CIT: variants seen among roughly 807,000 people sequenced by gnomAD.
The protein encoded by CIT is citron rho-interacting serine/threonine kinase, also known as citron Rho-interacting kinase.
CIT carries 79 observed loss-of-function variants against 272.7 expected under a neutral mutation model. The ratio of observed to expected loss-of-function variants is 0.29; its 90% CI spans 0.24 to 0.35. The LOEUF (loss-of-function observed/expected upper bound fraction) is 0.35, where lower values mean the gene tolerates loss of function less well. Among genes scored for constraint, CIT ranks in the 10% least tolerant of loss-of-function variants. The probability of loss-of-function intolerance (pLI) is 1.00; values close to 1 mark genes in which losing one functional copy is unlikely to be tolerated. For synonymous variants in CIT, 948 were observed against 995.6 expected (o/e 0.95, Z 0.90); for missense variants, 1,909 against 2,618.3 (o/e 0.73, Z 5.91).
chr12:119,703,566 C>G (rs1047880485), intron 41 of CIT, among the ~76,000 whole-genome samples: 1 of 151,806 alleles, frequency 6.6e-6, no homozygotes, highest in Non-Finnish European at 1.5e-5. Context: ...GCTGAGATAA[C>G]AAGCACCCGC....
intron 44 of CIT, among the ~76,000 whole-genome samples, chr12:119,699,374 C>A (rs933295667): frequency 6.6e-6 from 1 of 151,434 alleles, no homozygotes; most frequent in Non-Finnish European, 1.5e-5. Context: ...GTCACTGAAA[C>A]TAGAGCACAC....
intron 3 of CIT, among the ~76,000 whole-genome samples, chr12:119,865,920 T>G (rs146075937): frequency 6.7e-6 from 1 of 149,186 alleles, no homozygotes; most frequent in African/African-American, 2.5e-5. Flanking sequence ...ATGAGAAAAC[T>G]GAGAACAAAG....
Position 119,834,213 on chromosome 12 carries a change from G to C in CIT, c.532C>G (p.Pro178Ala), listed in dbSNP as rs770123216. Residue 178 changes from proline (P) to alanine (A), a missense_variant, in exon 6 of 48, where the codon CCT becomes GCT. By Grantham distance (27) the Pro-to-Ala change is conservative. This residue lies in a region of CIT where 529 missense variants were observed against 549.6 expected (regional missense o/e 0.96). Transcript: ENST00000392521. ...NHLYLVMEYQPGGDLLSLLNR... is the reference protein window; with the variant it reads ...NHLYLVMEYQAGGDLLSLLNR... ...AAAAGTGACAGCAAGTCCCCTCCAGGCTGATATTCCATGACCTGTATAGAA... is the reference window on the plus strand; with the variant it reads ...AAAAGTGACAGCAAGTCCCCTCCAGCCTGATATTCCATGACCTGTATAGAA... The C allele has an allele frequency of 6.2e-7, 1 of 1,611,108 alleles. No homozygotes were observed. Among genetic ancestry groups the C allele is most frequent in the Non-Finnish European group, 8.5e-7 (1 of 1,179,082 alleles).
At chr12:119,838,652 C>G (rs1266134784) in intron 5 of CIT, among the ~76,000 whole-genome samples, 1 of 152,144 alleles carries the variant, frequency 6.6e-6, no homozygotes, top group Non-Finnish European at 1.5e-5. Flanking sequence ...CAGCAATGCC[C>G]TTGATGAAAC....
chr12:119,759,731 C>T (rs1469538553), intron 20 of CIT, among the ~76,000 whole-genome samples: 1 of 152,126 alleles, frequency 6.6e-6, no homozygotes, highest in African/African-American at 2.4e-5. Flanking sequence ...AACCATCCCC[C>T]CACCCCTGTG....
chr12:119,817,989 G>A (rs1302345656), intron 9 of CIT, among the ~76,000 whole-genome samples: 1 of 151,824 alleles, frequency 6.6e-6, no homozygotes, highest in Admixed American at 6.6e-5. Context: ...TCTCTAGTGT[G>A]ACATGGTTTA....
intron 10 of CIT, among the ~76,000 whole-genome samples, chr12:119,791,042 G>A (rs1389494667): frequency 1.3e-5 from 2 of 152,132 alleles, no homozygotes; most frequent in Non-Finnish European, 2.9e-5. Flanking sequence ...ATTATTCATG[G>A]CATTAAGGAG....
intron 5 of CIT, among the ~76,000 whole-genome samples, chr12:119,846,066 G>C (rs1969784809): frequency 6.6e-6 from 1 of 152,020 alleles, no homozygotes; most frequent in Non-Finnish European, 1.5e-5. Context: ...AATTATCAAA[G>C]TGCCCAGATA....
intron 9 of CIT, among the ~76,000 whole-genome samples, chr12:119,808,665 A>G (rs779630612): frequency 1.6e-4 from 25 of 152,238 alleles, no homozygotes; most frequent in Non-Finnish European, 3.2e-4. Flanking sequence ...GTGATGATAT[A>G]ATGAATCAGG....
Position 119,710,427 on chromosome 12 carries a change from C to A in CIT, c.4936-41G>T. The A allele has an allele frequency of 1.2e-6, 2 of 1,613,486 alleles. No individual in the cohort carries two copies. The highest frequency in any genetic ancestry group is 2.2e-5 in the South Asian group (2 of 90,996). ...TCCGAAGGCAGAACATAAGCACGGT[C>A]ACGTCACCAGAACAATCTCTAGTAA... On this transcript the variant is annotated intron_variant, in intron 38 of 47. Coordinates refer to ENST00000392521, the MANE Select transcript of CIT (RefSeq NM_001206999.2). The surrounding 1 kb of genome is among the most constrained non-coding windows in gnomAD (Gnocchi z 5.6).
intron 21 of CIT, among the ~76,000 whole-genome samples, chr12:119,757,768 A>G (rs911115723): frequency 2.0e-5 from 3 of 152,182 alleles, no homozygotes; most frequent in Non-Finnish European, 2.9e-5. Context: ...AGTCCCTCAC[A>G]TATGGGATTA....
intron 24 of CIT, among the ~76,000 whole-genome samples, chr12:119,739,456 C>T: frequency 6.6e-6 from 1 of 152,062 alleles, no homozygotes. Flanking sequence ...CATTTCCTAG[C>T]GGAGACAATC....
At chr12:119,761,148 A>G in intron 19 of CIT, 93 bp from the exon 20 acceptor site, 1 of 1,003,938 alleles carries the variant, frequency 1.0e-6, no homozygotes, top group Admixed American at 1.8e-5. Context: ...AGGAAAGAGG[A>G]GAAAAGCAGG....
intron 5 of CIT, among the ~76,000 whole-genome samples, chr12:119,839,448 G>A (rs539361900): frequency 6.6e-5 from 10 of 152,288 alleles, no homozygotes; most frequent in Middle Eastern, 3.4e-3. Flanking sequence ...TGGCGGCATC[G>A]TTATCCGCTC....
At chr12:119,818,356 C>T (rs1051049901) in intron 9 of CIT, among the ~76,000 whole-genome samples, 2 of 152,138 alleles carry the variant, frequency 1.3e-5, no homozygotes, top group Non-Finnish European at 2.9e-5. Flanking sequence ...TTTCTACACA[C>T]AAAAATTTGT....
intron 5 of CIT, among the ~76,000 whole-genome samples, chr12:119,842,145 C>G (rs969994180): frequency 5.3e-5 from 8 of 152,060 alleles, no homozygotes; most frequent in African/African-American, 1.7e-4. Flanking sequence ...AATCCCAACA[C>G]TTTGGGACGC....
At chr12:119,707,657 G>A (rs1479435576) in intron 40 of CIT, among the ~76,000 whole-genome samples, 9 of 151,918 alleles carry the variant, frequency 5.9e-5, no homozygotes, top group South Asian at 2.1e-4. Flanking sequence ...GCCCGCCACC[G>A]TGCCCAGCTA....
At chr12:119,791,820 A>G (rs1024016114) in intron 10 of CIT, among the ~76,000 whole-genome samples, 1 of 152,234 alleles carries the variant, frequency 6.6e-6, no homozygotes, top group Non-Finnish European at 1.5e-5. Flanking sequence ...TAGAAGCCCA[A>G]AGAGTATTAA....
intron 23 of CIT, among the ~76,000 whole-genome samples, chr12:119,744,835 G>C (rs1959189506): frequency 6.6e-6 from 1 of 151,574 alleles, no homozygotes; most frequent in Admixed American, 6.6e-5. Context: ...TGGCAGATTA[G>C]ATACTTTAGA....
Sources: gnomAD v4.1 joint callset for allele counts (sites outside exome capture counted in the v4.1 genomes callset) on GRCh38, gnomAD v4.1.1 for gene constraint, gnomAD v4.1.1 regional missense constraint, Gnocchi (gnomAD v3.1) non-coding constraint, MANE v1.5 for transcripts, NCBI Gene and HGNC (gene_info 2026-07-23, HGNC 2026-07-21) for gene names.